The following CBFA2T2 variants were observed in gnomAD, a reference collection of about 807,000 sequenced individuals.
CBFA2T2 encodes the protein protein CBFA2T2.
CBFA2T2 carries 11 observed loss-of-function variants against 62.2 expected under a neutral mutation model. The observed-to-expected ratio is 0.18, with a 90% CI of 0.11 to 0.29. The LOEUF (loss-of-function observed/expected upper bound fraction) is 0.29. CBFA2T2 is among the 10% of genes least tolerant of loss of function. CBFA2T2 has a pLI of 1.00. For synonymous variants in CBFA2T2, 295 were observed against 287.5 expected (o/e 1.03, Z -0.27); for missense variants, 592 against 774.1 (o/e 0.76, Z 2.79).
chr20:33,561,125 C>T (rs956627557), intron 1 of CBFA2T2, among the ~76,000 whole-genome samples: 1 of 152,174 alleles, frequency 6.6e-6, no homozygotes, highest in Non-Finnish European at 1.5e-5. Context: ...ATCCGCTTGC[C>T]TCGGCCTCCA....
chr20:33,617,894 T>C (rs1057513286), intron 3 of CBFA2T2, among the ~76,000 whole-genome samples: 1 of 152,252 alleles, frequency 6.6e-6, no homozygotes, highest in African/African-American at 2.4e-5. Flanking sequence ...TATGATATAT[T>C]TGGAAAATCC....
At position 33,644,617 on chromosome 20, in the gene CBFA2T2, G is replaced by A. The variant is rs2016986758; in HGVS notation, c.1759G>A (p.Val587Met). 6.2e-7 allele frequency: 1 copy of A among 1,609,928 alleles called. No homozygotes were observed. Among genetic ancestry groups the A allele is most frequent in the Non-Finnish European group, 8.5e-7 (1 of 1,176,688 alleles). Residue 587 changes from valine to methionine, a missense_variant, in exon 11 of 11, where the codon GTG (valine) becomes ATG (methionine). Transcript: ENST00000342704. Reference sequence around the variant, plus strand: ...ATCGCGTTCCTCAACACCTGCTTCTGTGACAGCTATCGACACCAACGGACT... The same window carrying A: ...ATCGCGTTCCTCAACACCTGCTTCTATGACAGCTATCGACACCAACGGACT... Reference protein sequence around the residue: ...TTSRSSTPASVTAIDTNGL With the variant: ...TTSRSSTPASMTAIDTNGL
In CBFA2T2 at chr20:33,557,004, C is replaced by CTTTTTTTTTTTTTT. The variant is rs751836572; in HGVS notation, c.35-49937_35-49924dup. Among the ~76,000 whole-genome samples the CTTTTTTTTTTTTTT allele has an allele frequency of 2.8e-4, 13 of 46,212 alleles. 3 individuals are homozygous for CTTTTTTTTTTTTTT. Among genetic ancestry groups the CTTTTTTTTTTTTTT allele is most frequent in the African/African-American group, 3.8e-4 (4 of 10,654 alleles). The allele number at this position is 46,212 out of a possible 152,430, so 30.3% of individuals were successfully genotyped here. On this transcript the variant is annotated intron_variant, in intron 1 of 10. Transcript: ENST00000342704. ...CTTGCCCAAGGTGTTGCATGCTTAT[C>CTTTTTTTTTTTTTT]TTTTTTTTTTTTTTTTTTTTTTTTT...
chr20:33,543,592 T>C (rs115831684), intron 1 of CBFA2T2, among the ~76,000 whole-genome samples: 40 of 152,280 alleles, frequency 2.6e-4, no homozygotes, highest in African/African-American at 8.9e-4. Flanking sequence ...GAAGGTGTTT[T>C]AGATTTCAGT....
At chr20:33,593,268 G>A (rs968303584) in intron 1 of CBFA2T2, among the ~76,000 whole-genome samples, 2 of 151,936 alleles carry the variant, frequency 1.3e-5, no homozygotes, top group African/African-American at 4.8e-5. Flanking sequence ...GGAGGCAAAG[G>A]TTGCAGTGAG....
At chr20:33,636,852 T>C (rs2016652506) in intron 9 of CBFA2T2, 144 bp downstream of exon 9, 1 of 600,104 alleles carries the variant, frequency 1.7e-6, no homozygotes, top group East Asian at 3.0e-5. Context: ...CTGCCTCTCC[T>C]GCTCTGGCTT....
chr20:33,510,335 C>G (rs1408069525), intron 1 of CBFA2T2, among the ~76,000 whole-genome samples: 3 of 151,802 alleles, frequency 2.0e-5, no homozygotes, highest in Non-Finnish European at 4.4e-5. Context: ...CTCAGCCTCC[C>G]GAGTAGCTGG....
intron 1 of CBFA2T2, among the ~76,000 whole-genome samples, chr20:33,570,965 G>A (rs2013538503): frequency 6.6e-6 from 1 of 152,142 alleles, no homozygotes; most frequent in African/African-American, 2.4e-5. Context: ...CTTTGTCGGG[G>A]CCCCAGGCTT....
chr20:33,514,977 C>A (rs2011575213), intron 1 of CBFA2T2, among the ~76,000 whole-genome samples: 1 of 151,478 alleles, frequency 6.6e-6, no homozygotes, highest in African/African-American at 2.4e-5. Context: ...CAGGCGTGAG[C>A]CACTGCACTG....
At chr20:33,545,739 TACTC>T in intron 1 of CBFA2T2, among the ~76,000 whole-genome samples, 1 of 152,344 alleles carries the variant, frequency 6.6e-6, no homozygotes, top group South Asian at 2.1e-4. Flanking sequence ...TGAGCCAACA[TACTC>T]AGACTTTTTC....
chr20:33,566,011 A>C (rs748289355), intron 1 of CBFA2T2, among the ~76,000 whole-genome samples: 1 of 152,250 alleles, frequency 6.6e-6, no homozygotes, highest in Non-Finnish European at 1.5e-5. Flanking sequence ...CTCAGTGCTC[A>C]TAAGTTCCCA....
intron 1 of CBFA2T2, among the ~76,000 whole-genome samples, chr20:33,589,642 T>C (rs1349701507): frequency 1.3e-5 from 2 of 152,182 alleles, no homozygotes; most frequent in Non-Finnish European, 2.9e-5. Flanking sequence ...TATTGAATGA[T>C]TGCTGTAAAC....
At chr20:33,547,690 T>TGTG (rs1199767127) in intron 1 of CBFA2T2, among the ~76,000 whole-genome samples, 4 of 94,358 alleles carry the variant, frequency 4.2e-5, no homozygotes, top group Admixed American at 3.8e-4. Flanking sequence ...CAAAAAAATG[T>TGTG]GTGTGTGTGT....
intron 1 of CBFA2T2, among the ~76,000 whole-genome samples, chr20:33,509,511 A>C (rs886593047): frequency 3.9e-5 from 6 of 152,046 alleles, no homozygotes; most frequent in African/African-American, 7.2e-5. Flanking sequence ...TGTCGGTAAC[A>C]GATGTCTAAA....
chr20:33,516,695 C>T (rs944216332), intron 1 of CBFA2T2, among the ~76,000 whole-genome samples: 1 of 152,174 alleles, frequency 6.6e-6, no homozygotes, highest in African/African-American at 2.4e-5. Context: ...TCTCTTTCAC[C>T]TCATCGCTGA....
chr20:33,613,080 A>G (rs1244696885), intron 3 of CBFA2T2, among the ~76,000 whole-genome samples: 1 of 152,258 alleles, frequency 6.6e-6, no homozygotes, highest in Non-Finnish European at 1.5e-5. Flanking sequence ...CTCAAAACAT[A>G]AATTTAAAAA....
intron 1 of CBFA2T2, among the ~76,000 whole-genome samples, chr20:33,495,323 T>G: frequency 7.4e-6 from 1 of 135,864 alleles, no homozygotes; most frequent in African/African-American, 2.8e-5. Context: ...GAGGCAGAGG[T>G]GGCCGTGAGC....
intron 10 of CBFA2T2, among the ~76,000 whole-genome samples, chr20:33,643,061 T>C (rs967400823): frequency 6.6e-6 from 1 of 152,220 alleles, no homozygotes; most frequent in Non-Finnish European, 1.5e-5. Context: ...CCATCAAGAA[T>C]GTTCAGCTAG....
chr20:33,497,854 T>A (rs2146844667), intron 1 of CBFA2T2, among the ~76,000 whole-genome samples: 1 of 151,630 alleles, frequency 6.6e-6, no homozygotes, highest in East Asian at 2.0e-4. Context: ...AGCTTATTTT[T>A]ATTTTTTTTA....
Sources: allele counts gnomAD v4.1 joint callset (sites outside exome capture counted in the v4.1 genomes callset), GRCh38; gene constraint gnomAD v4.1.1; transcripts MANE v1.5; gene names NCBI Gene and HGNC (gene_info 2026-07-23, HGNC 2026-07-21).